Variants in CSMD1 observed in about 807,000 individuals in gnomAD.
CSMD1 encodes CUB and Sushi multiple domains 1, also known as CUB and sushi domain-containing protein 1.
A neutral mutation model predicts 417.5 loss-of-function variants in CSMD1; 213 were observed. That is an observed-to-expected ratio of 0.51 (90% confidence interval 0.46 to 0.57). The LOEUF is 0.57. Among genes scored for constraint, CSMD1 ranks in the 20% least tolerant of loss-of-function variants. The probability of loss-of-function intolerance (pLI) is 0.00; values close to 1 mark genes in which losing one functional copy is unlikely to be tolerated. For synonymous variants in CSMD1, 2,862 were observed against 1,736.8 expected, an observed-to-expected ratio of 1.65 and a Z score of -16.11; for missense variants, 6,923 against 4,529.7, an observed-to-expected ratio of 1.53 and a Z score of -15.17.
chr8:3,279,047 G>A (rs1278375135), intron 26 of CSMD1: 4 of 152,184 alleles, frequency 2.6e-5, no homozygotes, highest in Non-Finnish European at 4.4e-5. Flanking sequence ...GGGAGATGGA[G>A]ACTGGTGCCC....
At chr8:4,564,586 G>A (rs1267501050) in intron 2 of CSMD1, among the ~76,000 whole-genome samples, 1 of 152,162 alleles carries the variant, frequency 6.6e-6, no homozygotes, top group African/African-American at 2.4e-5. Context: ...TCAATACAGA[G>A]AAAAGTAAGC....
chr8:4,804,838 A>T (rs930240517), intron 1 of CSMD1, among the ~76,000 whole-genome samples: 1 of 152,346 alleles, frequency 6.6e-6, no homozygotes, highest in Middle Eastern at 3.4e-3. Context: ...ACTATTTAAC[A>T]AATACAGACA....
chr8:4,603,540 A>G (rs1486722749), intron 2 of CSMD1, among the ~76,000 whole-genome samples: 1 of 152,152 alleles, frequency 6.6e-6, no homozygotes, highest in Non-Finnish European at 1.5e-5. Flanking sequence ...ATAAAAGGAA[A>G]GAAAACCAGA....
In CSMD1 at chr8:3,367,129, A is replaced by C. The variant is rs767193836; in HGVS notation, c.3018T>G (p.His1006Gln). 1.2e-6 allele frequency: 2 copies of C among 1,613,792 alleles called. No homozygotes were observed. Among genetic ancestry groups the C allele is most frequent in the Admixed American group, 3.3e-5 (2 of 60,000 alleles). ...VARLTGSVLP[H>Q]TIKAGLFGNF... ...TTCCAAACAGGCCTGCCTTGATCGT[A>C]TGAGGCAACACCGACCCGGTGAGCC... The change falls in exon 20 of 70, where the codon CAT becomes CAG. Residue 1006 changes from histidine to glutamine, a missense_variant. By Grantham distance (24) the His-to-Gln change is conservative (BLOSUM62 0). Transcript: ENST00000635120.
At chr8:4,520,699 A>C (rs548322141) in intron 2 of CSMD1, among the ~76,000 whole-genome samples, 1 of 152,304 alleles carries the variant, frequency 6.6e-6, no homozygotes, top group East Asian at 1.9e-4. Context: ...TTTGTATGTG[A>C]AAGTCAGAAT....
At chr8:4,741,485 AATATT>A (rs1226009589) in intron 1 of CSMD1, among the ~76,000 whole-genome samples, 2 of 152,212 alleles carry the variant, frequency 1.3e-5, no homozygotes, top group African/African-American at 4.8e-5. Context: ...AACATACACA[AATATT>A]ATAGTAGAAT....
chr8:4,979,127 T>G (rs1208432496), intron 1 of CSMD1, among the ~76,000 whole-genome samples: 1 of 152,210 alleles, frequency 6.6e-6, no homozygotes, highest in Non-Finnish European at 1.5e-5. Flanking sequence ...CTGACTCTAC[T>G]GAGTCTCTAA....
chr8:3,958,662 A>G (rs1046796045), intron 5 of CSMD1, among the ~76,000 whole-genome samples: 2 of 152,188 alleles, frequency 1.3e-5, no homozygotes, highest in Non-Finnish European at 2.9e-5. Flanking sequence ...AGCCTATAAA[A>G]ACAAAATGTC....
At chr8:4,105,049 C>G (rs1801498226) in intron 3 of CSMD1, among the ~76,000 whole-genome samples, 1 of 151,784 alleles carries the variant, frequency 6.6e-6, no homozygotes, top group African/African-American at 2.4e-5. Flanking sequence ...GGCCTAATTC[C>G]AACTAAAGGC....
chr8:4,591,666 G>T (rs752799010), intron 2 of CSMD1, among the ~76,000 whole-genome samples: 4 of 152,168 alleles, frequency 2.6e-5, no homozygotes, highest in Non-Finnish European at 5.9e-5. Context: ...GTAGGTCAGT[G>T]TCAGATTGGA....
rs143381539 is a variant in CSMD1 at position 4,636,475 on chromosome 8, C to T, written c.302+867G>A. Reference sequence around the variant, plus strand: ...GCCCTGAATGTTGTTCCCTCACCCACCTCCTATGTTCCTTTCACTGAATAT... The same window carrying T: ...GCCCTGAATGTTGTTCCCTCACCCATCTCCTATGTTCCTTTCACTGAATAT... On this transcript the variant is annotated intron_variant, in intron 2 of 69. Coordinates refer to ENST00000635120, the MANE Select transcript of CSMD1 (RefSeq NM_033225.6). Among the ~76,000 whole-genome samples the T allele has an allele frequency of 5.1e-3, 778 of 152,288 alleles. 4 individuals carry two copies. Among genetic ancestry groups the T allele is most frequent in the Non-Finnish European group, 8.4e-3 (570 of 68,022 alleles).
chr8:3,636,259 C>CCTT (rs1563220067), intron 7 of CSMD1, among the ~76,000 whole-genome samples: 1 of 152,162 alleles, frequency 6.6e-6, no homozygotes, highest in African/African-American at 2.4e-5. Context: ...GACAACGATG[C>CCTT]CTTCTTCTGG....
At chr8:4,989,314 G>T (rs1465077633) in intron 1 of CSMD1, among the ~76,000 whole-genome samples, 3 of 152,082 alleles carry the variant, frequency 2.0e-5, no homozygotes, top group Non-Finnish European at 2.9e-5. Flanking sequence ...TTGCTGTGGT[G>T]GCTGTGCCAC....
chr8:3,786,327 G>C lies in CSMD1; in HGVS notation c.819-32285C>G, dbSNP rs145549235. 3.5e-3 allele frequency among the ~76,000 whole-genome samples: 526 copies of C among 152,264 alleles called. 1 individual carries two copies. Among genetic ancestry groups the C allele is most frequent in the Non-Finnish European group, 5.4e-3 (368 of 68,032 alleles). On this transcript the variant is annotated intron_variant, in intron 5 of 69. Transcript: ENST00000635120. ...GGAGACAAAAATCCTCTGTCTGTTG[G>C]ATGGAGGGTCACTGAGACCACGGGC...
chr8:3,624,570 C>T (rs1796403900), intron 7 of CSMD1, among the ~76,000 whole-genome samples: 1 of 152,122 alleles, frequency 6.6e-6, no homozygotes, highest in Non-Finnish European at 1.5e-5. Flanking sequence ...CAAACTGTAA[C>T]CATTTAAGCC....
intron 37 of CSMD1, among the ~76,000 whole-genome samples, chr8:3,164,176 C>T (rs569514837): frequency 7.2e-5 from 11 of 152,234 alleles, no homozygotes; most frequent in South Asian, 2.1e-4. Flanking sequence ...TCCCATGCTA[C>T]GGAATCCAGG....
Position 4,257,863 on chromosome 8 carries a change from C to T in CSMD1, c.415+162090G>A, listed in dbSNP as rs148207495. Reference sequence around the variant, plus strand: ...GTAAGCAGTCATTATTCAGCTACAGCGTACTGATTATTCTGTTGCCTCTGT... The same window carrying T: ...GTAAGCAGTCATTATTCAGCTACAGTGTACTGATTATTCTGTTGCCTCTGT... On this transcript the variant is annotated intron_variant, in intron 3 of 69. Coordinates refer to ENST00000635120, the MANE Select transcript of CSMD1 (RefSeq NM_033225.6). Among the ~76,000 whole-genome samples, 491 of 152,308 alleles carry T rather than the reference C, an allele frequency of 3.2e-3. 1 individual carries two copies. Among genetic ancestry groups the T allele is most frequent in the Non-Finnish European group, 5.5e-3 (376 of 68,034 alleles).
At chr8:3,903,273 G>A (rs999394868) in intron 5 of CSMD1, among the ~76,000 whole-genome samples, 2 of 151,670 alleles carry the variant, frequency 1.3e-5, no homozygotes, top group African/African-American at 4.8e-5. Context: ...TGGTTTTCTT[G>A]CCTCTGTCCC....
At position 2,939,027 on chromosome 8, in the gene CSMD1, C is replaced by T. The variant is rs555438258; in HGVS notation, c.10536-283G>A. Reference sequence around the variant, plus strand: ...TTACCCAGGCTGGAGTGCAGTGGCACGACCACCACTCATTTCAGCCTTGAC... The same window carrying T: ...TTACCCAGGCTGGAGTGCAGTGGCATGACCACCACTCATTTCAGCCTTGAC... On this transcript the variant is annotated intron_variant, in intron 69 of 69. Transcript: ENST00000635120. Among the ~76,000 whole-genome samples the T allele has an allele frequency of 5.3e-5, 8 of 152,264 alleles. No homozygotes were observed. The East Asian group carries it at 5.8e-4, about 11-fold the overall frequency.
Sources: gnomAD v4.1 joint callset for allele counts (sites outside exome capture counted in the v4.1 genomes callset) on GRCh38, gnomAD v4.1.1 for gene constraint, MANE v1.5 for transcripts, NCBI Gene and HGNC (gene_info 2026-07-23, HGNC 2026-07-21) for gene names.